The following SLC14A2 variants were observed in gnomAD, a reference collection of about 807,000 sequenced individuals.
The protein encoded by SLC14A2 is solute carrier family 14 member 2.
A neutral mutation model predicts 104.6 loss-of-function variants in SLC14A2; 91 were observed. The ratio of observed to expected loss-of-function variants is 0.87; its 90% CI spans 0.73 to 1.04. The LOEUF (loss-of-function observed/expected upper bound fraction) is 1.04. Ranked by LOEUF, SLC14A2 falls within the 50% of genes least tolerant of loss-of-function variation. SLC14A2 has a pLI of 0.00. For synonymous variants in SLC14A2, 476 were observed against 466.4 expected, an observed-to-expected ratio of 1.02 and a Z score of -0.27; for missense variants, 1,189 against 1,156.0, an observed-to-expected ratio of 1.03 and a Z score of -0.41.
intron 1 of SLC14A2, among the ~76,000 whole-genome samples, chr18:45,386,931 A>C (rs1290739077): frequency 2.0e-5 from 3 of 152,220 alleles, no homozygotes; most frequent in African/African-American, 7.2e-5. Flanking sequence ...GCTTGTTATT[A>C]TTAGAATAAT....
intron 2 of SLC14A2, among the ~76,000 whole-genome samples, chr18:45,513,322 C>T (rs1163411763): frequency 6.6e-6 from 1 of 152,164 alleles, no homozygotes; most frequent in Non-Finnish European, 1.5e-5. Flanking sequence ...CATGATGTTC[C>T]CTTTCTCAGA....
intron 1 of SLC14A2, among the ~76,000 whole-genome samples, chr18:45,468,272 A>T (rs1598866497): frequency 6.6e-6 from 1 of 152,170 alleles, no homozygotes; most frequent in African/African-American, 2.4e-5. Context: ...GCCATCATTC[A>T]TGGAAGAAAA....
chr18:45,554,502 G>A (rs551218418), intron 2 of SLC14A2, among the ~76,000 whole-genome samples: 1 of 152,138 alleles, frequency 6.6e-6, no homozygotes, highest in African/African-American at 2.4e-5. Flanking sequence ...GCTGCAAGGT[G>A]GGGGTGGAGG....
intron 1 of SLC14A2, among the ~76,000 whole-genome samples, chr18:45,467,156 A>C (rs2087159041): frequency 6.6e-6 from 1 of 152,080 alleles, no homozygotes; most frequent in African/African-American, 2.4e-5. Context: ...CACCAACAGA[A>C]AGGGATTATA....
chr18:45,605,930 G>A (rs2044860086), intron 2 of SLC14A2, among the ~76,000 whole-genome samples: 3 of 152,156 alleles, frequency 2.0e-5, no homozygotes, highest in Admixed American at 2.0e-4. Context: ...GGATCCATGA[G>A]ACCACTACAT....
intron 1 of SLC14A2, among the ~76,000 whole-genome samples, chr18:45,265,062 G>T (rs529346126): frequency 3.9e-5 from 6 of 152,094 alleles, no homozygotes; most frequent in Non-Finnish European, 7.4e-5. Context: ...CCATGTCTTT[G>T]TATGCACCTA....
chr18:45,663,824 TGGA>T lies in SLC14A2; in HGVS notation c.1397_1399del (p.Glu466del), dbSNP rs769916935. 2 of 1,612,896 alleles carry T rather than the reference TGGA, an allele frequency of 1.2e-6. No homozygotes were observed. The highest frequency in any genetic ancestry group is 8.5e-7 in the Non-Finnish European group (1 of 1,179,828). On this transcript the variant is annotated inframe_deletion, in exon 11 of 20. Transcript: ENST00000255226. ...CATCCACCCACAGCAGGCCCAAAGG[TGGA>T]GGAGGGCTCGGAGGCTGTGCTCTCC...
At chr18:45,599,705 C>T (rs1193532063) in intron 2 of SLC14A2, among the ~76,000 whole-genome samples, 1 of 152,164 alleles carries the variant, frequency 6.6e-6, no homozygotes, top group Non-Finnish European at 1.5e-5. Flanking sequence ...TCTGTTCTCA[C>T]ACTACTGATA....
chr18:45,221,636 A>T (rs1163693128), intron 1 of SLC14A2, among the ~76,000 whole-genome samples: 1 of 152,170 alleles, frequency 6.6e-6, no homozygotes, highest in African/African-American at 2.4e-5. Flanking sequence ...CAGATACTCA[A>T]TGTGTCATTT....
At chr18:45,449,854 C>G (rs1223635258) in intron 1 of SLC14A2, among the ~76,000 whole-genome samples, 4 of 152,164 alleles carry the variant, frequency 2.6e-5, no homozygotes, top group Admixed American at 1.3e-4. Flanking sequence ...AGAGCTGTTT[C>G]TAGGCGACCA....
intron 3 of SLC14A2, 93 bp from the exon 4 acceptor site, chr18:45,626,865 C>T (rs1299103665): frequency 4.0e-6 from 4 of 1,006,416 alleles, no homozygotes; most frequent in South Asian, 1.5e-5. Context: ...CTGGCTTGCA[C>T]ATTCCTGTTT....
rs142198889 is a variant in SLC14A2 at position 45,453,184 on chromosome 18, C to A, written c.-124-30049C>A. ...GCTTCATTCTGCCTGGGAAGCCCAGCCCTCAAATTCCAAGGTCCCACTAGC... is the reference window on the plus strand; with the variant it reads ...GCTTCATTCTGCCTGGGAAGCCCAGACCTCAAATTCCAAGGTCCCACTAGC... On this transcript the variant is annotated intron_variant, in intron 1 of 20. Coordinates refer to the SLC14A2 transcript ENST00000586448. 8.2e-3 allele frequency among the ~76,000 whole-genome samples: 1,246 copies of A among 152,278 alleles called. 13 individuals are homozygous for A. The highest frequency in any genetic ancestry group is 0.012 in the Non-Finnish European group (788 of 68,028).
At chr18:45,435,054 T>A (rs538479356) in intron 1 of SLC14A2, 1 of 152,210 alleles carries the variant, frequency 6.6e-6, no homozygotes, top group Non-Finnish European at 1.5e-5. Flanking sequence ...TTTATAATAA[T>A]GTATCATATT....
chr18:45,405,624 C>T (rs1048407847), intron 1 of SLC14A2, among the ~76,000 whole-genome samples: 6 of 152,076 alleles, frequency 3.9e-5, no homozygotes, highest in South Asian at 2.1e-4. Context: ...ATCAATTGGC[C>T]GGGTGTGGTG....
intron 10 of SLC14A2, among the ~76,000 whole-genome samples, chr18:45,658,586 A>G (rs2144608515): frequency 6.6e-6 from 1 of 152,170 alleles, no homozygotes; most frequent in Non-Finnish European, 1.5e-5. Context: ...AACTCAAAAA[A>G]AAAAAACCTG....
At chr18:45,629,925 C>T (rs911427859) in intron 4 of SLC14A2, among the ~76,000 whole-genome samples, 1 of 152,216 alleles carries the variant, frequency 6.6e-6, no homozygotes, top group African/African-American at 2.4e-5. Flanking sequence ...ACTTTTGCTT[C>T]TGTGATCCCT....
intron 2 of SLC14A2, among the ~76,000 whole-genome samples, chr18:45,577,785 A>G (rs1001617394): frequency 2.0e-5 from 3 of 152,252 alleles, no homozygotes; most frequent in South Asian, 2.1e-4. Flanking sequence ...TCCCAAGTCA[A>G]CTCCATGAAT....
At chr18:45,553,344 C>G (rs1220790936) in intron 2 of SLC14A2, among the ~76,000 whole-genome samples, 1 of 152,216 alleles carries the variant, frequency 6.6e-6, no homozygotes, top group Non-Finnish European at 1.5e-5. Flanking sequence ...AGCTTTGCTT[C>G]CCTCACTTTT....
chr18:45,585,357 T>C (rs547582469), intron 2 of SLC14A2, among the ~76,000 whole-genome samples: 3 of 152,214 alleles, frequency 2.0e-5, no homozygotes, highest in Non-Finnish European at 2.9e-5. Flanking sequence ...CTCCCCTCTC[T>C]AGAATATAAT....
Sources: allele counts gnomAD v4.1 joint callset (sites outside exome capture counted in the v4.1 genomes callset), GRCh38; gene constraint gnomAD v4.1.1; transcripts MANE v1.5; gene names NCBI Gene and HGNC (gene_info 2026-07-23, HGNC 2026-07-21).